TRPM6: variants seen among roughly 807,000 people sequenced by gnomAD.
TRPM6 encodes transient receptor potential cation channel subfamily M member 6, also known as channel kinase 2.
TRPM6 carries 111 observed loss-of-function variants against 247.6 expected under a neutral mutation model. That is an observed-to-expected ratio of 0.45 (90% CI 0.38 to 0.52). The LOEUF is 0.52. Ranked by LOEUF, TRPM6 falls within the 20% of genes least tolerant of loss-of-function variation. The pLI is 0.00. For missense variants in TRPM6, 2,126 were observed against 2,421.5 expected, an observed-to-expected ratio of 0.88 and a Z score of 2.56; for synonymous variants, 892 against 853.8, an observed-to-expected ratio of 1.04 and a Z score of -0.78.
intron 6 of TRPM6, among the ~76,000 whole-genome samples, chr9:74,832,496 G>C (rs1474128164): frequency 1.3e-5 from 2 of 152,066 alleles, no homozygotes; most frequent in East Asian, 3.8e-4. Flanking sequence ...TAATTTTTTA[G>C]ATATAATAAC....
intron 7 of TRPM6, among the ~76,000 whole-genome samples, chr9:74,827,545 G>A (rs911689006): frequency 1.1e-4 from 17 of 151,948 alleles, no homozygotes; most frequent in African/African-American, 3.9e-4. Flanking sequence ...GAAATCTTTG[G>A]GGGGATCATG....
intron 31 of TRPM6, 121 bp downstream of exon 31, chr9:74,747,768 G>T (rs1826100330): frequency 3.6e-6 from 3 of 841,166 alleles, no homozygotes; most frequent in Non-Finnish European, 5.7e-6. Context: ...TTTCTACATT[G>T]CATGATGGAC....
At chr9:74,760,756 T>G (rs1369796642) in intron 27 of TRPM6, among the ~76,000 whole-genome samples, 4 of 152,190 alleles carry the variant, frequency 2.6e-5, no homozygotes, top group Non-Finnish European at 4.4e-5. Context: ...TAATTCCCAG[T>G]GTAATCATAT....
chr9:74,884,346 G>A (rs566988889), intron 1 of TRPM6, among the ~76,000 whole-genome samples: 51 of 151,980 alleles, frequency 3.4e-4, no homozygotes, highest in South Asian at 1.9e-3. Context: ...AAAATGAGCC[G>A]GGCGTGGTGG....
chr9:74,725,206 A>G (rs1825275400), intron 38 of TRPM6, among the ~76,000 whole-genome samples: 1 of 152,178 alleles, frequency 6.6e-6, no homozygotes. Flanking sequence ...ATCAGATCCT[A>G]TGCTTCCTAA....
At chr9:74,820,543 C>G in intron 8 of TRPM6, 116 bp from the exon 9 acceptor site, 1 of 1,306,630 alleles carries the variant, frequency 7.7e-7, no homozygotes, top group Non-Finnish European at 1.1e-6. Flanking sequence ...ATGGACAGTT[C>G]TGCCAGAAGA....
At chr9:74,860,634 C>T (rs1289484206) in intron 1 of TRPM6, among the ~76,000 whole-genome samples, 5 of 152,104 alleles carry the variant, frequency 3.3e-5, no homozygotes, top group Admixed American at 6.5e-5. Flanking sequence ...GCTGGGATAA[C>T]AGGCATGAGC....
intron 1 of TRPM6, among the ~76,000 whole-genome samples, chr9:74,884,510 T>TACATACAA (rs747429434): frequency 2.2e-4 from 33 of 151,032 alleles, no homozygotes; most frequent in Non-Finnish European, 3.8e-4. Flanking sequence ...CATATATACA[T>TACATACAA]ACATACATAC....
chr9:74,840,239 T>C lies in TRPM6; in HGVS notation c.331-2A>G. The C allele has an allele frequency of 1.3e-6, 2 of 1,599,348 alleles. No individual in the cohort carries two copies. Among genetic ancestry groups the C allele is most frequent in the Non-Finnish European group, 1.7e-6 (2 of 1,166,678 alleles). On this transcript the variant is annotated splice_acceptor_variant, in intron 4 of 38. Coordinates refer to ENST00000360774, the MANE Select transcript of TRPM6 (RefSeq NM_017662.5). LOFTEE classifies it high-confidence loss of function. ...TGTATCATAAGAAGTTCTAATATAC[T>C]GCAAGAAAAGCACATGTAGGTGAAC...
chr9:74,865,849 G>A (rs574583280), intron 1 of TRPM6, among the ~76,000 whole-genome samples: 1 of 152,296 alleles, frequency 6.6e-6, no homozygotes, highest in Non-Finnish European at 1.5e-5. Flanking sequence ...ACAGCACACT[G>A]TGGCCTTGAA....
intron 28 of TRPM6, 50 bp downstream of exon 28, chr9:74,755,303 A>G (rs1563998846): frequency 6.2e-7 from 1 of 1,605,360 alleles, no homozygotes; most frequent in African/African-American, 1.3e-5. Flanking sequence ...CCGTACCCTG[A>G]GAAAACCCCA....
At chr9:74,755,001 A>AGTGTCATG (rs1826386881) in intron 28 of TRPM6, among the ~76,000 whole-genome samples, 1 of 152,256 alleles carries the variant, frequency 6.6e-6, no homozygotes, top group African/African-American at 2.4e-5. Context: ...AGTCCATATC[A>AGTGTCATG]GTGTCATGTG....
chr9:74,830,297 G>A (rs551945859), intron 6 of TRPM6, among the ~76,000 whole-genome samples: 1 of 148,526 alleles, frequency 6.7e-6, no homozygotes, highest in African/African-American at 2.5e-5. Context: ...GGTAGAGCTT[G>A]AAAAAAAAAC....
chr9:74,866,431 C>T (rs1480362534), intron 1 of TRPM6, among the ~76,000 whole-genome samples: 4 of 152,096 alleles, frequency 2.6e-5, no homozygotes, highest in African/African-American at 9.7e-5. Context: ...GGCAGTTTCA[C>T]TGTCATTCCA....
intron 30 of TRPM6, among the ~76,000 whole-genome samples, chr9:74,749,165 G>A (rs896225564): frequency 2.0e-5 from 3 of 152,090 alleles, no homozygotes; most frequent in African/African-American, 4.8e-5. Flanking sequence ...TGCACTCTAC[G>A]ATATTTGCAC....
intron 1 of TRPM6, among the ~76,000 whole-genome samples, chr9:74,885,359 C>T (rs1831499948): frequency 1.3e-5 from 2 of 152,074 alleles, no homozygotes; most frequent in Non-Finnish European, 2.9e-5. Context: ...ATGACTAAAC[C>T]TCAAAAACCA....
rs1829135383 is a variant in TRPM6 at position 74,821,781 on chromosome 9, T to G, written c.898A>C (p.Ile300Leu). The stretch of plus-strand genomic sequence containing the variant: ...TTGACAGTCTCCCACACTGACAGGA[T>G]GACGTTGGGACCGCCTTCCACCACC... ...GLVVEGGPNV[I>L]LSVWETVKDK... The change falls in exon 8 of 39, where the codon ATC (isoleucine) becomes CTC (leucine). Residue 300 changes from isoleucine (I) to leucine (L), a missense_variant. Physicochemically the swap from Ile to Leu is conservative, Grantham distance 5. Around this residue, in one of 3 missense-constraint regions of TRPM6, gnomAD observed 1,082 missense variants for 1,307.9 expected, o/e 0.83. Transcript: ENST00000360774. 6.2e-7 allele frequency: 1 copy of G among 1,614,182 alleles called. No homozygotes were observed. Among genetic ancestry groups the G allele is most frequent in the Non-Finnish European group, 8.5e-7 (1 of 1,180,034 alleles).
intron 19 of TRPM6, among the ~76,000 whole-genome samples, chr9:74,790,682 G>T (rs900200011): frequency 1.3e-5 from 2 of 152,104 alleles, no homozygotes; most frequent in Non-Finnish European, 2.9e-5. Context: ...CAGTAAAATC[G>T]AATTGAATGA....
intron 11 of TRPM6, among the ~76,000 whole-genome samples, chr9:74,816,465 GAA>G (rs34100441): frequency 0.014 from 1,304 of 93,646 alleles, 9 homozygotes; most frequent in East Asian, 0.029. Context: ...GCAGAGCCAG[GAA>G]AAAAAAAAAA....
Sources: allele counts gnomAD v4.1 joint callset (sites outside exome capture counted in the v4.1 genomes callset), GRCh38; gene constraint gnomAD v4.1.1; regional missense constraint gnomAD v4.1.1; transcripts MANE v1.5; gene names NCBI Gene and HGNC (gene_info 2026-07-23, HGNC 2026-07-21).